DCDC2: variants seen among roughly 807,000 people sequenced by gnomAD.
DCDC2 encodes doublecortin domain containing 2, also known as doublecortin domain-containing protein 2.
In DCDC2, 40 loss-of-function variants were observed where a neutral mutation model predicts 50.2. That is an observed-to-expected ratio of 0.80 (90% CI 0.62 to 1.04). DCDC2 has a LOEUF of 1.04. Ranked by LOEUF, DCDC2 falls within the 50% of genes least tolerant of loss-of-function variation. DCDC2 has a pLI of 0.00. For missense variants in DCDC2, 570 were observed against 581.9 expected (o/e 0.98, Z 0.21); for synonymous variants, 234 against 210.6 (o/e 1.11, Z -0.96).
intron 8 of DCDC2, among the ~76,000 whole-genome samples, chr6:24,203,033 T>C (rs1479051333): frequency 1.3e-5 from 2 of 152,158 alleles, no homozygotes; most frequent in African/African-American, 4.8e-5. Flanking sequence ...ATAGGAAGAA[T>C]TGATATTGTG....
chr6:24,208,982 G>A (rs369972467), intron 7 of DCDC2, among the ~76,000 whole-genome samples: 97 of 152,328 alleles, frequency 6.4e-4, no homozygotes, highest in African/African-American at 2.1e-3. Context: ...GCCAATGTGA[G>A]TGTTCAAAAG....
chr6:24,369,133 CAA>C, the DCDC2 span, among the ~76,000 whole-genome samples: 35,755 of 92,472 alleles, frequency 0.39, 3,620 homozygotes, highest in Middle Eastern at 0.47. Context: ...GACTCTGTCT[CAA>C]AAAAAAAAAA....
At chr6:24,377,448 A>G in the DCDC2 span, among the ~76,000 whole-genome samples, 4 of 152,354 alleles carry the variant, frequency 2.6e-5, no homozygotes, top group African/African-American at 9.6e-5. Context: ...TAAGCCTTTT[A>G]ACTAAGTAAA....
At chr6:24,201,627 G>A (rs912161156) in intron 8 of DCDC2, among the ~76,000 whole-genome samples, 1 of 152,088 alleles carries the variant, frequency 6.6e-6, no homozygotes. Context: ...TCAAAAGCTA[G>A]CAGAAGACAA....
chr6:24,174,420 G>A lies in DCDC2; in HGVS notation c.*310C>T, dbSNP rs537581124. On this transcript the variant is annotated 3_prime_UTR_variant, in exon 10 of 10. Coordinates refer to ENST00000378454, the MANE Select transcript of DCDC2 (RefSeq NM_016356.5). ...CTGCCTTCTAAACTTATAATAAAGCGTACAATAAGAGTGATCCTATTTTTC... is the reference window on the plus strand; with the variant it reads ...CTGCCTTCTAAACTTATAATAAAGCATACAATAAGAGTGATCCTATTTTTC... The A allele has an allele frequency of 7.8e-5, 14 of 180,298 alleles. 1 individual carries two copies. In the South Asian group the frequency reaches 1.1e-3, roughly 14 times the overall value. 11.2% of individuals were successfully genotyped at this position (180,298 alleles called of 1,614,324 possible).
At chr6:24,326,326 A>G (rs1452118886) in intron 2 of DCDC2, among the ~76,000 whole-genome samples, 1 of 148,812 alleles carries the variant, frequency 6.7e-6, no homozygotes, top group African/African-American at 2.4e-5. Flanking sequence ...AAGAGTCTCC[A>G]TTTTTAGAAT....
chr6:24,178,576 T>C lies in DCDC2; in HGVS notation c.1080A>G (p.Ala360=), dbSNP rs1316863955. ...TTCCTGAAAAGTCTTCTTTCTGTTC[T>C]GCATCCTTGTTTGCCTTCTCTCCAT... The part of the protein sequence containing the change: ...EEDGEKANKD[A]EQKEDFSGMN... Residue 360 remains alanine (A), a synonymous_variant, in exon 9 of 10, where the codon GCA becomes GCG. Transcript: ENST00000378454. The C allele has an allele frequency of 1.2e-6, 2 of 1,614,070 alleles. No homozygotes were observed. The highest frequency in any genetic ancestry group is 1.7e-6 in the Non-Finnish European group (2 of 1,179,990).
rs1760857923 is a variant in DCDC2 at position 24,174,568 on chromosome 6, T to C, written c.*162A>G. On this transcript the variant is annotated 3_prime_UTR_variant, in exon 10 of 10. Transcript: ENST00000378454. Reference sequence around the variant, plus strand: ...AAGTAATTATCCTTTAGTAGCCATTTAAAGTTATCTGGTCTTTCCACTAGG... The same window carrying C: ...AAGTAATTATCCTTTAGTAGCCATTCAAAGTTATCTGGTCTTTCCACTAGG... The C allele has an allele frequency of 1.3e-5, 6 of 470,730 alleles. No homozygotes were observed. The highest frequency in any genetic ancestry group is 1.9e-5 in the Non-Finnish European group (5 of 265,872). 29.2% of individuals were successfully genotyped at this position (470,730 alleles called of 1,614,324 possible).
intron 2 of DCDC2, among the ~76,000 whole-genome samples, chr6:24,316,966 T>C (rs999326281): frequency 6.6e-6 from 1 of 151,282 alleles, no homozygotes. Flanking sequence ...ACTCTGTATA[T>C]ACATATGTGT....
chr6:24,379,064 T>A, the DCDC2 span, among the ~76,000 whole-genome samples: 4 of 151,700 alleles, frequency 2.6e-5, no homozygotes, highest in Admixed American at 6.6e-5. Context: ...ATTAAAGACT[T>A]AAAGGTAAGA....
chr6:24,228,097 T>C (rs1762269153), intron 7 of DCDC2, among the ~76,000 whole-genome samples: 1 of 152,194 alleles, frequency 6.6e-6, no homozygotes, highest in African/African-American at 2.4e-5. Context: ...CAAACACACA[T>C]AGCAGCAGAT....
At chr6:24,363,016 G>T (rs1286700488), upstream of DCDC2, among the ~76,000 whole-genome samples, 9 of 152,186 alleles carry the variant, frequency 5.9e-5, no homozygotes, top group African/African-American at 2.2e-4. Flanking sequence ...AGCTGAGGTA[G>T]AATGAGGAGC....
chr6:24,227,167 T>C (rs1762249652), intron 7 of DCDC2, among the ~76,000 whole-genome samples: 1 of 152,172 alleles, frequency 6.6e-6, no homozygotes, highest in African/African-American at 2.4e-5. Context: ...ACCCACAAAA[T>C]ATCAGCATCA....
chr6:24,289,376 A>G (rs1216407652), intron 5 of DCDC2, among the ~76,000 whole-genome samples: 2 of 152,200 alleles, frequency 1.3e-5, no homozygotes, highest in Non-Finnish European at 2.9e-5. Context: ...GTCCTCACCA[A>G]AAAGTTAAAA....
intron 7 of DCDC2, among the ~76,000 whole-genome samples, chr6:24,237,230 G>A (rs1762463561): frequency 6.6e-6 from 1 of 151,932 alleles, no homozygotes; most frequent in African/African-American, 2.4e-5. Context: ...AGGGTGGAAG[G>A]AGGGACAGAA....
At chr6:24,190,469 GTA>G (rs1216176797) in intron 8 of DCDC2, among the ~76,000 whole-genome samples, 32 of 152,228 alleles carry the variant, frequency 2.1e-4, no homozygotes, top group Middle Eastern at 3.4e-3. Flanking sequence ...CATGGCACAT[GTA>G]TACGTATGTA....
intron 7 of DCDC2, among the ~76,000 whole-genome samples, chr6:24,267,094 C>G (rs908801419): frequency 6.6e-6 from 1 of 152,036 alleles, no homozygotes; most frequent in African/African-American, 2.4e-5. Flanking sequence ...TTTGTGGAAG[C>G]TAAAAAGTAA....
intron 2 of DCDC2, among the ~76,000 whole-genome samples, chr6:24,314,179 A>G (rs555946026): frequency 6.6e-6 from 1 of 152,354 alleles, no homozygotes; most frequent in Non-Finnish European, 1.5e-5. Context: ...AAATTAAACT[A>G]TTAAAAATAT....
chr6:24,301,725 C>T lies in DCDC2; in HGVS notation c.547G>A (p.Ala183Thr). ...ATTGTTTTGACATACCTGTGAACAG[C>T]CCCGCTCCTCAGAGTGATTTTTTCT... ...VTEKITLRSG[A>T]VHRLYTLEGK... Residue 183 changes from alanine to threonine, a missense_variant, in exon 4 of 10, where the codon GCT becomes ACT. Physicochemically the swap from Ala to Thr is moderately conservative, Grantham distance 58. Transcript: ENST00000378454. 1 of 1,614,070 alleles carries T rather than the reference C, an allele frequency of 6.2e-7. No homozygotes were observed.
Sources: gnomAD v4.1 joint callset for allele counts (sites outside exome capture counted in the v4.1 genomes callset) on GRCh38, gnomAD v4.1.1 for gene constraint, MANE v1.5 for transcripts, NCBI Gene and HGNC (gene_info 2026-07-23, HGNC 2026-07-21) for gene names.